The following SREBF1 variants were observed in gnomAD, a reference collection of about 807,000 sequenced individuals.
The protein encoded by SREBF1 is sterol regulatory element binding transcription factor 1.
A neutral mutation model predicts 100.1 loss-of-function variants in SREBF1; 45 were observed. The observed-to-expected ratio is 0.45, with a 90% CI of 0.35 to 0.58. SREBF1 has a LOEUF of 0.58. Among genes scored for constraint, SREBF1 ranks in the 20% least tolerant of loss-of-function variants. SREBF1 has a pLI of 0.00. For missense variants in SREBF1, 1,324 were observed against 1,539.4 expected, an observed-to-expected ratio of 0.86 and a Z score of 2.34; for synonymous variants, 657 against 681.8, an observed-to-expected ratio of 0.96 and a Z score of 0.57.
rs60948138 is a variant in SREBF1 at position 17,821,152 on chromosome 17, T to TACACACACAC, written c.92-641_92-632dup. Among the ~76,000 whole-genome samples, 1,180 of 149,476 alleles carry TACACACACAC rather than the reference T, an allele frequency of 7.9e-3. 12 individuals are homozygous for TACACACACAC. Among genetic ancestry groups the TACACACACAC allele is most frequent in the African/African-American group, 0.023 (951 of 40,694 alleles). ...ACATCCACCTCTGAGTCCACACACA[T>TACACACACAC]ACACACACACACACACACACACATA... On this transcript the variant is annotated intron_variant, in intron 1 of 18. Coordinates refer to ENST00000261646, the MANE Select transcript of SREBF1 (RefSeq NM_004176.5).
intron 6 of SREBF1, 153 bp downstream of exon 6, chr17:17,818,107 G>T: frequency 1.2e-6 from 1 of 814,106 alleles, no homozygotes; most frequent in Non-Finnish European, 2.0e-6. Context: ...AGGGACTAGA[G>T]CTGAATGCAG....
rs763435141 is a variant in SREBF1 at position 17,816,280 on chromosome 17, G to A, written c.2141C>T (p.Thr714Met). The change falls in exon 11 of 19, where the codon ACG becomes ATG. Residue 714 changes from threonine (T) to methionine (M), a missense_variant. By Grantham distance (81) the Thr-to-Met change is moderately conservative. Coordinates refer to ENST00000261646, the MANE Select transcript of SREBF1 (RefSeq NM_004176.5). ...AGCCGCCACATAGATCTCGGCCAGCGTCGCCACAGACACGGCATCCCCTGC... is the reference window on the plus strand; with the variant it reads ...AGCCGCCACATAGATCTCGGCCAGCATCGCCACAGACACGGCATCCCCTGC... ...ECAGDAVSVA[T>M]LAEIYVAAAL... 2.5e-5 allele frequency: 37 copies of A among 1,485,676 alleles called. No individual in the cohort carries two copies. In the African/African-American group the frequency reaches 2.8e-4, roughly 11 times the overall value. The allele number at this position is 1,485,676 out of a possible 1,614,324, so 92.0% of individuals were successfully genotyped here. A position where few individuals can be genotyped will look rare whatever the true frequency, so the allele number is the denominator to read the frequency against.
chr17:17,816,395 G>A (rs767861530), intron 10 of SREBF1, 22 bp from the exon 11 acceptor site: 8 of 1,595,644 alleles, frequency 5.0e-6, no homozygotes, highest in Non-Finnish European at 5.1e-6. Context: ...GCAGGCATGA[G>A]GCTGTGGGTG....
chr17:17,832,432 A>G (rs2143165730), intron 1 of SREBF1, among the ~76,000 whole-genome samples: 1 of 152,272 alleles, frequency 6.6e-6, no homozygotes, highest in East Asian at 1.9e-4. Flanking sequence ...TCTGGCACTC[A>G]AGGCCAGCCT....
rs1278646782 is a variant in SREBF1, at chr17:17,814,232, C to T, written c.2901+13G>A. The T allele has an allele frequency of 2.5e-6, 4 of 1,600,766 alleles. No homozygotes were observed. The highest frequency in any genetic ancestry group is 1.1e-5 in the South Asian group (1 of 88,896). ...TCCCCCAGCCCTGCCAGGCCCCTGA[C>T]CCCACCCCTCACCTTGTCAATGGAG... is the stretch of plus-strand genomic sequence containing the variant. On this transcript the variant is annotated intron_variant, in intron 16 of 18. Coordinates refer to ENST00000261646, the MANE Select transcript of SREBF1 (RefSeq NM_004176.5).
rs147442149 is a variant in SREBF1 at position 17,830,814 on chromosome 17, CGA to C, written c.91+5911_91+5912del. Among the ~76,000 whole-genome samples the C allele has an allele frequency of 6.6e-5, 10 of 152,348 alleles. No individual in the cohort carries two copies. The East Asian group carries it at 1.9e-3, about 29-fold the overall frequency. On this transcript the variant is annotated intron_variant, in intron 1 of 18. Transcript: ENST00000261646. The stretch of plus-strand genomic sequence containing the variant: ...GTTAAGGCTTTCCCCACCTCACCCC[CGA>C]CACACACAGCCGCCCCTGTGGAGCA...
At position 17,820,129 on chromosome 17, in the gene SREBF1, CAG is replaced by C; in HGVS notation, c.482_483del (p.Pro161ArgfsTer171). 1.9e-6 allele frequency: 3 copies of C among 1,612,912 alleles called. No homozygotes were observed. The highest frequency in any genetic ancestry group is 8.5e-7 in the Non-Finnish European group (1 of 1,179,730). On this transcript the variant is annotated frameshift_variant, in exon 2 of 19. Transcript: ENST00000261646. LOFTEE classifies it high-confidence loss of function. ...CCCGGAGGGCTGGGGTAGCCTAACA[CAG>C]GGGTGGAGCTGAACTGCGGTGGGGC... ...APAPPQFSST[P>X]VLGYPSPPGG...
At chr17:17,832,553 G>C (rs962804022) in intron 1 of SREBF1, among the ~76,000 whole-genome samples, 1 of 152,178 alleles carries the variant, frequency 6.6e-6, no homozygotes, top group Non-Finnish European at 1.5e-5. Context: ...AGCTTCAAAA[G>C]CAGGCTCGAC....
intron 1 of SREBF1, among the ~76,000 whole-genome samples, chr17:17,832,487 C>T (rs1367325520): frequency 3.3e-5 from 5 of 152,178 alleles, no homozygotes; most frequent in Non-Finnish European, 7.3e-5. Context: ...CTGGCATTTC[C>T]ACCCCCAAAT....
intron 1 of SREBF1, among the ~76,000 whole-genome samples, chr17:17,828,430 C>T (rs115783368): frequency 1.4e-3 from 216 of 152,326 alleles, no homozygotes; most frequent in African/African-American, 4.8e-3. Flanking sequence ...TACAGGTGTG[C>T]GGAATTACCC....
At position 17,814,410 on chromosome 17, in the gene SREBF1, C is replaced by T; in HGVS notation, c.2736G>A (p.Glu912=). Residue 912 remains glutamate, a splice_region_variant and synonymous_variant, in exon 16 of 19, where the codon GAG becomes GAA. Transcript: ENST00000261646. ...EHLPRVLQES[E]RPLPRAALHS... is the part of the protein sequence containing the mutation. The stretch of plus-strand genomic sequence containing the variant: ...GCAGAGCTGCCCTGGGCAGGGGTCT[C>T]CTGTTGGGACCAGGGCAGAAGAGTG... The T allele has an allele frequency of 6.4e-7, 1 of 1,554,286 alleles. No homozygotes were observed. The highest frequency in any genetic ancestry group is 2.4e-5 in the East Asian group (1 of 41,406).
rs757137820 is a variant in SREBF1, at chr17:17,818,285, A to G, written c.1158T>C (p.Ser386=). Residue 386 remains serine (S), a synonymous_variant, in exon 6 of 19, where the codon AGT becomes AGC. Coordinates refer to ENST00000261646, the MANE Select transcript of SREBF1 (RefSeq NM_004176.5). ...TGCTTTTGTGGACAGCAGTGCGCAG[A>G]CTTAGGTTCTCCTGCTTGAGTTTCT... ...SNQKLKQENL[S]LRTAVHKSKS... The G allele has an allele frequency of 6.2e-7, 1 of 1,613,972 alleles. No individual in the cohort carries two copies. Among genetic ancestry groups the G allele is most frequent in the East Asian group, 2.2e-5 (1 of 44,870 alleles).
intron 2 of SREBF1, 158 bp from the exon 3 acceptor site, chr17:17,819,883 C>T: frequency 1.6e-6 from 2 of 1,236,804 alleles, no homozygotes; most frequent in Non-Finnish European, 1.1e-6. Context: ...AATGCACTGG[C>T]TTCAAGCCAG....
At chr17:17,822,304 C>A (rs2034155390) in intron 1 of SREBF1, among the ~76,000 whole-genome samples, 1 of 152,280 alleles carries the variant, frequency 6.6e-6, no homozygotes, top group African/African-American at 2.4e-5. Context: ...AGGCTTAGGG[C>A]CAAGCCAGCT....
intron 1 of SREBF1, 90 bp from the exon 2 acceptor site, chr17:17,820,611 C>T (rs1277199512): frequency 7.2e-6 from 10 of 1,397,540 alleles, no homozygotes; most frequent in Non-Finnish European, 9.9e-6. Flanking sequence ...CTTATTTGCA[C>T]AACCCTTGTT....
Position 17,817,927 on chromosome 17 carries a change from A to C in SREBF1, c.1184-11T>G, listed in dbSNP as rs2033767803. The C allele has an allele frequency of 6.3e-7, 1 of 1,599,588 alleles. No individual in the cohort carries two copies. Among genetic ancestry groups the C allele is most frequent in the African/African-American group, 1.3e-5 (1 of 74,880 alleles). ...GATCCTTCAGAGATTCTGTGGGCCG[A>C]AAGGAACAGAGCCAGGAGTAAAGGC... On this transcript the variant is annotated splice_polypyrimidine_tract_variant and intron_variant, in intron 6 of 18. Coordinates refer to ENST00000261646, the MANE Select transcript of SREBF1 (RefSeq NM_004176.5). The surrounding 1 kb of genome is among the most constrained non-coding windows in gnomAD (Gnocchi z 6.6).
Position 17,811,474 on chromosome 17 carries a change from A to G in SREBF1, c.*1148T>C, listed in dbSNP as rs903854128. 1 of 232,386 alleles carries G rather than the reference A, an allele frequency of 4.3e-6. No homozygotes were observed. Among genetic ancestry groups the G allele is most frequent in the African/African-American group, 2.6e-5 (1 of 38,760 alleles). The allele number at this position is 232,386 out of a possible 1,614,324, so 14.4% of individuals were successfully genotyped here. On this transcript the variant is annotated 3_prime_UTR_variant, in exon 19 of 19. Transcript: ENST00000261646. Reference sequence around the variant, plus strand: ...GAAAATCTGCAGCCCGTGGATTCCGACCAGATTCAGCTGGGAGCCGGGCCA... The same window carrying G: ...GAAAATCTGCAGCCCGTGGATTCCGGCCAGATTCAGCTGGGAGCCGGGCCA...
At chr17:17,829,205 A>ATAT (rs1555572777) in intron 1 of SREBF1, among the ~76,000 whole-genome samples, 4 of 65,844 alleles carry the variant, frequency 6.1e-5, no homozygotes, top group South Asian at 6.5e-4. Context: ...AAAAAAAAAA[A>ATAT]ATATATATAT....
At chr17:17,822,169 T>C (rs1003697643) in intron 1 of SREBF1, among the ~76,000 whole-genome samples, 1 of 152,238 alleles carries the variant, frequency 6.6e-6, no homozygotes, top group African/African-American at 2.4e-5. Flanking sequence ...CCCAAGAGCA[T>C]GCAGTGGGGT....
Sources: gnomAD v4.1 joint callset for allele counts (sites outside exome capture counted in the v4.1 genomes callset) on GRCh38, gnomAD v4.1.1 for gene constraint, Gnocchi (gnomAD v3.1) non-coding constraint, MANE v1.5 for transcripts, NCBI Gene and HGNC (gene_info 2026-07-23, HGNC 2026-07-21) for gene names.